SPMIP8: variants seen among roughly 807,000 people sequenced by gnomAD.
SPMIP8 encodes sperm microtubule inner protein 8, also known as testicular tissue protein Li 196.
At chr16:57,985,420 C>T in the SPMIP8 span, 1 of 1,612,652 alleles carries the variant, frequency 6.2e-7, no homozygotes, top group South Asian at 1.1e-5. Context: ...CTGTGTGGGG[C>T]GTGGGCAGGG....
chr16:57,976,739 T>C, the SPMIP8 span: 2 of 1,354,948 alleles, frequency 1.5e-6, no homozygotes, highest in Middle Eastern at 2.5e-4. Flanking sequence ...CCCCATGCCT[T>C]GTCACCATGC....
chr16:57,978,412 C>T, the SPMIP8 span, among the ~76,000 whole-genome samples: 1 of 151,900 alleles, frequency 6.6e-6, no homozygotes, highest in Non-Finnish European at 1.5e-5. Context: ...TGGTGGCAGG[C>T]ACCTGTAATC....
At chr16:57,979,886 GGT>G in the SPMIP8 span, among the ~76,000 whole-genome samples, 3 of 152,122 alleles carry the variant, frequency 2.0e-5, no homozygotes, top group African/African-American at 7.2e-5. Context: ...TGGCCAACAT[GGT>G]GAAACCCCAT....
At chr16:57,986,967 A>T in the SPMIP8 span, 1 of 157,350 alleles carries the variant, frequency 6.4e-6, no homozygotes, top group Non-Finnish European at 1.4e-5. Context: ...GCCTCTCCCC[A>T]CCGGCTCACA....
chr16:57,978,828 G>T, the SPMIP8 span, among the ~76,000 whole-genome samples: 29 of 152,158 alleles, frequency 1.9e-4, no homozygotes, highest in South Asian at 2.3e-3. Context: ...ATGTTGCCTA[G>T]CCTGGTCTCA....
At chr16:57,984,696 A>G in the SPMIP8 span, 1 of 1,597,432 alleles carries the variant, frequency 6.3e-7, no homozygotes, top group East Asian at 2.3e-5. Flanking sequence ...GCTGGCGCCC[A>G]TCGCGCCAGG....
At chr16:57,983,405 G>T in the SPMIP8 span, among the ~76,000 whole-genome samples, 1 of 152,090 alleles carries the variant, frequency 6.6e-6, no homozygotes, top group Non-Finnish European at 1.5e-5. Context: ...TTTTTGCCAT[G>T]TAGAAGTTTA....
chr16:57,984,951 G>A, the SPMIP8 span: 1 of 1,256,212 alleles, frequency 8.0e-7, no homozygotes, highest in Non-Finnish European at 1.1e-6. Flanking sequence ...TGTGGCACTT[G>A]CGGTGGGTGG....
chr16:57,984,836 C>A, the SPMIP8 span: 5 of 1,571,012 alleles, frequency 3.2e-6, no homozygotes, highest in Non-Finnish European at 4.3e-6. Context: ...GCTGAAGGAA[C>A]TGCCGGGCAG....
chr16:57,976,937 G>C, the SPMIP8 span, among the ~76,000 whole-genome samples: 4 of 152,216 alleles, frequency 2.6e-5, no homozygotes, highest in Admixed American at 6.5e-5. Context: ...TGGGTATCCA[G>C]TAATGCTTTT....
chr16:57,978,514 T>C, the SPMIP8 span, among the ~76,000 whole-genome samples: 1 of 150,906 alleles, frequency 6.6e-6, no homozygotes, highest in Non-Finnish European at 1.5e-5. Context: ...CACTCCAGCC[T>C]GGGCAACAAG....
chr16:57,984,675 C>G, the SPMIP8 span: 5 of 1,595,338 alleles, frequency 3.1e-6, no homozygotes, highest in East Asian at 6.8e-5. Context: ...CAACAGGTAC[C>G]ACGAGGGAAA....
At chr16:57,985,917 T>C in the SPMIP8 span, 1 of 1,612,468 alleles carries the variant, frequency 6.2e-7, no homozygotes, top group Non-Finnish European at 8.5e-7. Flanking sequence ...AGGAACACTT[T>C]CCGAAGCTTC....
At chr16:57,985,487 C>T in the SPMIP8 span, 1 of 1,613,840 alleles carries the variant, frequency 6.2e-7, no homozygotes, top group South Asian at 1.1e-5. Flanking sequence ...CTCAGTACTG[C>T]CTCAGCCAGA....
At chr16:57,984,211 A>T in the SPMIP8 span, 30 of 1,377,570 alleles carry the variant, frequency 2.2e-5, no homozygotes, top group Non-Finnish European at 2.9e-5. Context: ...GCCTCAAAAA[A>T]TTTTTAAAGT....
chr16:57,984,246 T>A, the SPMIP8 span: 1 of 1,576,628 alleles, frequency 6.3e-7, no homozygotes. Context: ...AGTTCTCCTA[T>A]GACCTCTGAC....
the SPMIP8 span, chr16:57,985,599 G>A: frequency 5.9e-6 from 9 of 1,529,028 alleles, no homozygotes; most frequent in Non-Finnish European, 7.9e-6. Flanking sequence ...GGAGGATGAG[G>A]TCTGGGCCGC....
At chr16:57,984,810 G>T in the SPMIP8 span, 4 of 1,604,108 alleles carry the variant, frequency 2.5e-6, no homozygotes, top group South Asian at 3.4e-5. Flanking sequence ...GAGGAAGCGA[G>T]GTCAGTCTAC....
the SPMIP8 span, among the ~76,000 whole-genome samples, chr16:57,979,721 A>G: frequency 1.3e-5 from 2 of 152,074 alleles, no homozygotes; most frequent in African/African-American, 4.8e-5. Flanking sequence ...GAATATAAAC[A>G]CATGTTATTT....
Sources: gnomAD v4.1 joint callset for allele counts (sites outside exome capture counted in the v4.1 genomes callset) on GRCh38, gnomAD v4.1.1 for gene constraint, MANE v1.5 for transcripts, NCBI Gene and HGNC (gene_info 2026-07-23, HGNC 2026-07-21) for gene names.